Variants in FRMPD4 observed in about 807,000 individuals in gnomAD.
The protein encoded by FRMPD4 is FERM and PDZ domain containing 4, also known as FERM and PDZ domain-containing protein 4.
FRMPD4 carries 22 observed loss-of-function variants against 94.1 expected under a neutral mutation model. The observed-to-expected ratio is 0.23, with a 90% CI of 0.17 to 0.33. FRMPD4 has a LOEUF of 0.33. Among genes scored for constraint, FRMPD4 ranks in the 10% least tolerant of loss-of-function variants. FRMPD4 has a pLI of 1.00. For synonymous variants in FRMPD4, 631 were observed against 548.6 expected (o/e 1.15, Z -2.10); for missense variants, 1,111 against 1,339.9 (o/e 0.83, Z 2.67).
intron 3 of FRMPD4, among the ~76,000 whole-genome samples, chrX:11,880,743 A>G (rs1224624948): frequency 9.0e-6 from 1 of 111,556 alleles, no homozygotes; most frequent in Non-Finnish European, 1.9e-5. Flanking sequence ...CCCATTTTCA[A>G]GTGATTCTCG....
At chrX:12,545,231 TA>T (rs2058461912) in intron 2 of FRMPD4, among the ~76,000 whole-genome samples, 1 of 89,672 alleles carries the variant, frequency 1.1e-5, no homozygotes, top group Non-Finnish European at 2.2e-5. Flanking sequence ...CACAAATTTG[TA>T]AACATTCTTT....
At chrX:12,227,335 C>T (rs2056933350) in intron 1 of FRMPD4, among the ~76,000 whole-genome samples, 1 of 111,440 alleles carries the variant, frequency 9.0e-6, no homozygotes, top group Non-Finnish European at 1.9e-5. Flanking sequence ...TATGTGCAGA[C>T]CTGAGAGGGA....
intron 1 of FRMPD4, among the ~76,000 whole-genome samples, chrX:12,394,189 C>T (rs2148043031): frequency 9.0e-6 from 1 of 111,523 alleles, no homozygotes; most frequent in African/African-American, 3.3e-5. Context: ...TGACAGCTGT[C>T]ACAATTAAAA....
chrX:12,172,126 A>T (rs925366192), intron 1 of FRMPD4, among the ~76,000 whole-genome samples: 3 of 111,084 alleles, frequency 2.7e-5, no homozygotes, highest in African/African-American at 9.8e-5. Context: ...AATGCATAGG[A>T]TGTCTGTAGA....
At chrX:12,453,275 A>G (rs2057293959) in intron 1 of FRMPD4, among the ~76,000 whole-genome samples, 1 of 111,936 alleles carries the variant, frequency 8.9e-6, no homozygotes, top group African/African-American at 3.2e-5. Flanking sequence ...AAAAGCAGAT[A>G]TATTTTTAAA....
At chrX:12,044,342 T>C (rs2054773928) in intron 3 of FRMPD4, among the ~76,000 whole-genome samples, 3 of 112,280 alleles carry the variant, frequency 2.7e-5, no homozygotes, top group African/African-American at 9.7e-5. Context: ...TGAGCTCTGC[T>C]CTGTTGGAGT....
chrX:11,969,649 C>A (rs954916734), intron 3 of FRMPD4, among the ~76,000 whole-genome samples: 1 of 111,634 alleles, frequency 9.0e-6, no homozygotes, highest in Non-Finnish European at 1.9e-5. Flanking sequence ...TTGCTATAGA[C>A]CCACTGATGA....
At chrX:12,176,387 G>A (rs2056295273) in intron 1 of FRMPD4, among the ~76,000 whole-genome samples, 1 of 111,637 alleles carries the variant, frequency 9.0e-6, no homozygotes. Flanking sequence ...ATGTTCTGTA[G>A]GGAAGTCACT....
chrX:12,248,287 G>A (rs148944215), intron 1 of FRMPD4, among the ~76,000 whole-genome samples: 300 of 112,313 alleles, frequency 2.7e-3, no homozygotes, highest in African/African-American at 8.4e-3. Flanking sequence ...TATAGGAGAT[G>A]ACAACATATT....
chrX:12,400,716 C>G (rs185572163), intron 1 of FRMPD4, among the ~76,000 whole-genome samples: 8 of 111,751 alleles, frequency 7.2e-5, no homozygotes, highest in African/African-American at 2.6e-4. Context: ...ATATCAAGTT[C>G]ACAAAAGAGT....
chrX:12,646,545 T>G (rs1277746682), intron 4 of FRMPD4, among the ~76,000 whole-genome samples: 5 of 112,013 alleles, frequency 4.5e-5, no homozygotes, highest in Admixed American at 1.9e-4. Context: ...TCTGTCAACT[T>G]TCAGAGAGGA....
At chrX:12,624,622 A>C (rs1013427045) in intron 4 of FRMPD4, among the ~76,000 whole-genome samples, 1 of 112,049 alleles carries the variant, frequency 8.9e-6, no homozygotes. Context: ...GGCACTACAA[A>C]ACAGCCTGAA....
intron 1 of FRMPD4, among the ~76,000 whole-genome samples, chrX:12,472,016 T>C (rs957439359): frequency 3.5e-5 from 4 of 112,725 alleles, no homozygotes; most frequent in Non-Finnish European, 7.5e-5. Context: ...GCACTGTCAC[T>C]TAAAACTGTG....
chrX:12,006,152 A>G (rs1458891419), intron 3 of FRMPD4, among the ~76,000 whole-genome samples: 1 of 111,885 alleles, frequency 8.9e-6, no homozygotes, highest in African/African-American at 3.3e-5. Flanking sequence ...TTCACATCTT[A>G]TTAGAAAAGC....
chrX:12,646,321 C>T (rs2059547396), intron 4 of FRMPD4, among the ~76,000 whole-genome samples: 1 of 111,748 alleles, frequency 8.9e-6, no homozygotes, highest in Non-Finnish European at 1.9e-5. Flanking sequence ...GGTTAGTGTG[C>T]CCCAAGTTCA....
chrX:12,386,856 C>T (rs768410373), intron 1 of FRMPD4, among the ~76,000 whole-genome samples: 4 of 110,605 alleles, frequency 3.6e-5, no homozygotes, highest in Admixed American at 9.7e-5. Flanking sequence ...CCTTATGGGG[C>T]GGGGTGGGGG....
At chrX:12,434,703 A>G (rs1436669916) in intron 1 of FRMPD4, among the ~76,000 whole-genome samples, 2 of 112,328 alleles carry the variant, frequency 1.8e-5, no homozygotes, top group Non-Finnish European at 1.9e-5. Context: ...GTTTAGACCA[A>G]TCAGGGCCCA....
intron 2 of FRMPD4, among the ~76,000 whole-genome samples, chrX:11,877,661 T>C (rs1373653093): frequency 8.9e-6 from 1 of 111,896 alleles, no homozygotes; most frequent in East Asian, 2.8e-4. Flanking sequence ...AAAGTTCCTG[T>C]TAATAATTTA....
At chrX:12,535,874 C>T (rs2058333689) in intron 2 of FRMPD4, among the ~76,000 whole-genome samples, 1 of 110,711 alleles carries the variant, frequency 9.0e-6, no homozygotes, top group Admixed American at 9.7e-5. Context: ...TGGAGTATAG[C>T]TGTGAGGATA....
Sources: allele counts gnomAD v4.1 joint callset (sites outside exome capture counted in the v4.1 genomes callset), GRCh38; gene constraint gnomAD v4.1.1; transcripts MANE v1.5; gene names NCBI Gene and HGNC (gene_info 2026-07-23, HGNC 2026-07-21).